The following GRIN1 variants were observed in gnomAD, a reference collection of about 807,000 sequenced individuals.
GRIN1 encodes the protein glutamate receptor ionotropic, NMDA 1.
In GRIN1, 38 loss-of-function variants were observed where a neutral mutation model predicts 103.0. The observed-to-expected ratio is 0.37, with a 90% CI of 0.28 to 0.48. The LOEUF (loss-of-function observed/expected upper bound fraction) is 0.48. Among genes scored for constraint, GRIN1 ranks in the 20% least tolerant of loss-of-function variants. GRIN1 has a pLI of 0.98. For synonymous variants in GRIN1, 544 were observed against 532.7 expected (o/e 1.02, Z -0.29); for missense variants, 577 against 1,288.9 (o/e 0.45, Z 8.46).
At chr9:137,151,899 CTTTT>C (rs138380793) in intron 4 of GRIN1, among the ~76,000 whole-genome samples, 6 of 93,468 alleles carry the variant, frequency 6.4e-5, no homozygotes, top group African/African-American at 2.2e-4. Flanking sequence ...CTTGTGGCCT[CTTTT>C]TTTTTTTTTT....
In GRIN1 at chr9:137,151,128, G is replaced by A. The variant is rs1202626240; in HGVS notation, c.671+2019G>A. ...CCCGCCCAGAAAAAAGTCGCGCCCGGGGAAAGCCCTGCCCAGAAAAAGTCC... is the reference window on the plus strand; with the variant it reads ...CCCGCCCAGAAAAAAGTCGCGCCCGAGGAAAGCCCTGCCCAGAAAAAGTCC... On this transcript the variant is annotated intron_variant, in intron 4 of 19. Transcript: ENST00000371561. Among the ~76,000 whole-genome samples, 140 of 125,162 alleles carry A rather than the reference G, an allele frequency of 1.1e-3. 3 individuals carry two copies. Among genetic ancestry groups the A allele is most frequent in the African/African-American group, 4.1e-3 (131 of 32,330 alleles). The allele number at this position is 125,162 out of a possible 152,430, so 82.1% of individuals were successfully genotyped here. A position where few individuals can be genotyped will look rare whatever the true frequency, so the allele number is the denominator to read the frequency against.
In GRIN1 at chr9:137,145,891, C is replaced by T; in HGVS notation, c.559C>T (p.Arg187Cys). ...QKRLETLLEE[R>C]ESKAEKVLQF... ...ACGCCTGGAGACGCTGCTGGAGGAGCGTGAGTCCAAGGTGAGGGTCGGCGC... is the reference window on the plus strand; with the variant it reads ...ACGCCTGGAGACGCTGCTGGAGGAGTGTGAGTCCAAGGTGAGGGTCGGCGC... The change falls in exon 3 of 20, where the codon CGT becomes TGT. Residue 187 changes from arginine (R) to cysteine (C), a missense_variant. By Grantham distance (180) the Arg-to-Cys change is radical (BLOSUM62 -3). Transcript: ENST00000371561. 6.2e-7 allele frequency: 1 copy of T among 1,603,808 alleles called. No individual in the cohort carries two copies. Among genetic ancestry groups the T allele is most frequent in the Non-Finnish European group, 8.5e-7 (1 of 1,175,384 alleles).
intron 6 of GRIN1, among the ~76,000 whole-genome samples, chr9:137,157,499 C>T (rs1439637623): frequency 6.6e-6 from 1 of 152,228 alleles, no homozygotes; most frequent in Non-Finnish European, 1.5e-5. Context: ...AACAGCACCC[C>T]TCTCCCTGTG....
Position 137,163,808 on chromosome 9 carries a change from T to C in GRIN1, c.2493T>C (p.Ile831=). The change falls in exon 18 of 20, where the codon ATT becomes ATC. Residue 831 remains isoleucine, a synonymous_variant. Transcript: ENST00000371561. ...GCATCGTGGCCGGGATCTTCCTGAT[T>C]TTCATCGAGATTGCCTACAAGCGGC... ...AGGIVAGIFL[I]FIEIAYKRHK... 1 of 1,613,536 alleles carries C rather than the reference T, an allele frequency of 6.2e-7. No individual in the cohort carries two copies. The highest frequency in any genetic ancestry group is 1.1e-5 in the South Asian group (1 of 91,082).
At chr9:137,153,294 C>T (rs745339163) in intron 4 of GRIN1, among the ~76,000 whole-genome samples, 8 of 149,588 alleles carry the variant, frequency 5.3e-5, no homozygotes, top group African/African-American at 7.4e-5. Context: ...AATGTATGTA[C>T]ACACACCATA....
intron 3 of GRIN1, chr9:137,148,179 G>A (rs768144005): frequency 1.9e-6 from 3 of 1,546,918 alleles, no homozygotes; most frequent in African/African-American, 1.4e-5. Context: ...TGAAAACCTC[G>A]ACCAACTGTC....
At chr9:137,153,082 C>T (rs547090129) in intron 4 of GRIN1, among the ~76,000 whole-genome samples, 45 of 150,694 alleles carry the variant, frequency 3.0e-4, no homozygotes, top group Non-Finnish European at 5.5e-4. Flanking sequence ...ATACACACCA[C>T]GTGTACACAC....
In GRIN1 at chr9:137,168,202, G is replaced by C. The variant is rs957867750; in HGVS notation, c.*675G>C. On this transcript the variant is annotated 3_prime_UTR_variant, in exon 20 of 20. Transcript: ENST00000371561. ...TCCCGCAGCACCAGCCTGAGCCACAGTGGGGCCCATGGCCCCAGCTGGCTG... is the reference window on the plus strand; with the variant it reads ...TCCCGCAGCACCAGCCTGAGCCACACTGGGGCCCATGGCCCCAGCTGGCTG... The C allele has an allele frequency of 5.5e-6, 2 of 362,970 alleles. No homozygotes were observed. The highest frequency in any genetic ancestry group is 3.0e-5 in the South Asian group (1 of 33,230). 22.5% of individuals were successfully genotyped at this position (362,970 alleles called of 1,614,324 possible).
intron 8 of GRIN1, among the ~76,000 whole-genome samples, 154 bp from the exon 9 acceptor site, chr9:137,160,902 G>A (rs576524742): frequency 7.5e-4 from 114 of 152,342 alleles, no homozygotes; most frequent in African/African-American, 2.7e-3. Context: ...AGAAGCTCCA[G>A]AGAGGGGCAG....
chr9:137,163,344 C>T lies in GRIN1; in HGVS notation c.2333+14C>T, dbSNP rs1833666634. On this transcript the variant is annotated intron_variant, in intron 16 of 19. Coordinates refer to ENST00000371561, the MANE Select transcript of GRIN1 (RefSeq NM_007327.4). Reference sequence around the variant, plus strand: ...GTCCATCCTCAAGTGAGTGTCCGTGCGCCCGCGTCCCTCCTCCGCCCCTCT... The same window carrying T: ...GTCCATCCTCAAGTGAGTGTCCGTGTGCCCGCGTCCCTCCTCCGCCCCTCT... 2 of 1,612,684 alleles carry T rather than the reference C, an allele frequency of 1.2e-6. No homozygotes were observed. The highest frequency in any genetic ancestry group is 1.7e-6 in the Non-Finnish European group (2 of 1,179,642).
At position 137,149,183 on chromosome 9, in the gene GRIN1, G is replaced by A. The variant is rs561465871; in HGVS notation, c.671+74G>A. 7.1e-5 allele frequency: 74 copies of A among 1,041,828 alleles called. 1 individual carries two copies. Among genetic ancestry groups the A allele is most frequent in the South Asian group, 4.6e-4 (34 of 74,248 alleles). The allele number at this position is 1,041,828 out of a possible 1,614,324, so 64.5% of individuals were successfully genotyped here. On this transcript the variant is annotated intron_variant, in intron 4 of 19. Coordinates refer to ENST00000371561, the MANE Select transcript of GRIN1 (RefSeq NM_007327.4). ...CCAAGTACCCGCCATCTGAGCCAGA[G>A]CTGGGACATTGTTGGGCACAGTGAC...
chr9:137,163,496 C>G, intron 16 of GRIN1, 63 bp from the exon 17 acceptor site: 1 of 1,356,902 alleles, frequency 7.4e-7, no homozygotes, highest in Non-Finnish European at 1.1e-6. Context: ...GGCCCCGCCC[C>G]CAGCTTGCTC....
intron 14 of GRIN1, 46 bp downstream of exon 14, chr9:137,162,785 G>T: frequency 6.2e-7 from 1 of 1,602,390 alleles, no homozygotes; most frequent in Non-Finnish European, 8.5e-7. Flanking sequence ...GTGAGCTGGG[G>T]TCGGCCTCGG....
chr9:137,139,288 T>TG lies in GRIN1; in HGVS notation c.-195dup, dbSNP rs1310969481. 1 of 220,028 alleles carries TG rather than the reference T, an allele frequency of 4.5e-6. No homozygotes were observed. The highest frequency in any genetic ancestry group is 1.1e-4 in the East Asian group (1 of 8,808). 13.6% of individuals were successfully genotyped at this position (220,028 alleles called of 1,614,324 possible). A position where few individuals can be genotyped will look rare whatever the true frequency, so the allele number is the denominator to read the frequency against. ...AGCACCGCGGACAGCGCCGGCCGCG[T>TG]GGGGCTGAGCCCCGAGCCCCCGCGC... On this transcript the variant is annotated 5_prime_UTR_variant, in exon 1 of 20. Coordinates refer to ENST00000371561, the MANE Select transcript of GRIN1 (RefSeq NM_007327.4). This position sits in a 1 kb window ranked among gnomAD's most constrained non-coding sequence, Gnocchi z 7.7.
At position 137,142,122 on chromosome 9, in the gene GRIN1, C is replaced by T; in HGVS notation, c.368C>T (p.Thr123Ile). Residue 123 changes from threonine (T) to isoleucine (I), a missense_variant, in exon 2 of 20, where the codon ACC becomes ATC. Thr to Ile is a moderately conservative substitution (Grantham distance 89, BLOSUM62 -1). Coordinates refer to ENST00000371561, the MANE Select transcript of GRIN1 (RefSeq NM_007327.4). ...FYRIPVLGLTTRMSIYSDKSI... is the reference protein window; with the variant it reads ...FYRIPVLGLTIRMSIYSDKSI... ...CGCATACCCGTGCTGGGGCTGACCACCCGCATGTCCATCTACTCGGACAAG... is the reference window on the plus strand; with the variant it reads ...CGCATACCCGTGCTGGGGCTGACCATCCGCATGTCCATCTACTCGGACAAG... 2 of 1,614,206 alleles carry T rather than the reference C, an allele frequency of 1.2e-6. No individual in the cohort carries two copies. Among genetic ancestry groups the T allele is most frequent in the Non-Finnish European group, 1.7e-6 (2 of 1,180,032 alleles).
At chr9:137,164,173 G>A in intron 18 of GRIN1, 2 of 525,662 alleles carry the variant, frequency 3.8e-6, no homozygotes, top group Admixed American at 6.3e-5. Context: ...TGTCTCCAGA[G>A]TCGCCCGCCG....
intron 4 of GRIN1, among the ~76,000 whole-genome samples, chr9:137,155,286 C>A (rs760030643): frequency 6.6e-6 from 1 of 152,232 alleles, no homozygotes; most frequent in African/African-American, 2.4e-5. Flanking sequence ...TGCCATGACA[C>A]GTGTGGTGTT....
At chr9:137,160,933 G>T in intron 8 of GRIN1, 123 bp from the exon 9 acceptor site, 2 of 1,245,268 alleles carry the variant, frequency 1.6e-6, no homozygotes, top group Middle Eastern at 2.6e-4. Context: ...CGCAGGGCGG[G>T]GGGTGTGAGG....
rs1336084238 is a variant in GRIN1 at position 137,139,558 on chromosome 9, C to T, written c.72C>T (p.Pro24=). The T allele has an allele frequency of 1.2e-6, 2 of 1,612,740 alleles. No individual in the cohort carries two copies. The highest frequency in any genetic ancestry group is 2.2e-5 in the South Asian group (2 of 91,072). The change falls in exon 1 of 20, where the codon CCC becomes CCT. Residue 24 remains proline, a synonymous_variant. Transcript: ENST00000371561. This position sits in a 1 kb window ranked among gnomAD's most constrained non-coding sequence, Gnocchi z 7.7. Reference sequence around the variant, plus strand: ...CCGTCGCCCGTGCCGCGTGCGACCCCAAGATCGTCAACATTGGCGCGGTGC... The same window carrying T: ...CCGTCGCCCGTGCCGCGTGCGACCCTAAGATCGTCAACATTGGCGCGGTGC... ...SCSVARAACD[P]KIVNIGAVLS...
Sources: gnomAD v4.1 joint callset for allele counts (sites outside exome capture counted in the v4.1 genomes callset) on GRCh38, gnomAD v4.1.1 for gene constraint, Gnocchi (gnomAD v3.1) non-coding constraint, MANE v1.5 for transcripts, NCBI Gene and HGNC (gene_info 2026-07-23, HGNC 2026-07-21) for gene names.